The following NUP58 variants were observed in gnomAD, a reference collection of about 807,000 sequenced individuals.
The protein encoded by NUP58 is nucleoporin 58, also known as nucleoporin p58/p45.
NUP58 carries 17 observed loss-of-function variants against 70.1 expected under a neutral mutation model. The ratio of observed to expected loss-of-function variants is 0.24; its 90% CI spans 0.17 to 0.36. The LOEUF (loss-of-function observed/expected upper bound fraction) is 0.36. Ranked by LOEUF, NUP58 falls within the 10% of genes least tolerant of loss-of-function variation. The pLI is 1.00. For synonymous variants in NUP58, 275 were observed against 257.6 expected (o/e 1.07, Z -0.65); for missense variants, 644 against 701.5 (o/e 0.92, Z 0.93).
chr13:25,332,370 C>A, intron 13 of NUP58: 2 of 985,286 alleles, frequency 2.0e-6, no homozygotes, highest in Middle Eastern at 5.2e-4. Flanking sequence ...TTATCTTAAT[C>A]CTGCCATCCC....
In NUP58 at chr13:25,340,449, G is replaced by A. The variant is rs2137842815; in HGVS notation, c.*315G>A. On this transcript the variant is annotated 3_prime_UTR_variant, in exon 16 of 16. Transcript: ENST00000381736. ...TTTAACCTAGTGTTTTTGTTGATGA[G>A]GTTTACATTATGTGAATACATGCAC... 1 of 196,486 alleles carries A rather than the reference G, an allele frequency of 5.1e-6. No individual in the cohort carries two copies. Among genetic ancestry groups the A allele is most frequent in the East Asian group, 1.3e-4 (1 of 7,420 alleles). 12.2% of individuals were successfully genotyped at this position (196,486 alleles called of 1,614,324 possible).
At chr13:25,345,471 T>C (rs955461559), downstream of NUP58, among the ~76,000 whole-genome samples, 2 of 151,316 alleles carry the variant, frequency 1.3e-5, no homozygotes, top group Non-Finnish European at 2.9e-5. Flanking sequence ...AAGAGCGTTA[T>C]AAAGAAGCAA....
At chr13:25,309,352 C>A in intron 3 of NUP58, 70 bp downstream of exon 3, 1 of 1,143,584 alleles carries the variant, frequency 8.7e-7, no homozygotes. Context: ...AGTGATCTTT[C>A]TACTCTTCTC....
downstream of NUP58, among the ~76,000 whole-genome samples, chr13:25,343,827 A>ATATATATATATATG (rs1593206470): frequency 2.2e-5 from 3 of 137,250 alleles, no homozygotes; most frequent in South Asian, 4.4e-4. Flanking sequence ...ATATATATAT[A>ATATATATATATATG]CACATATATA....
In NUP58 at chr13:25,301,679, C is replaced by A; in HGVS notation, c.-95C>A. On this transcript the variant is annotated 5_prime_UTR_variant, in exon 1 of 16. Transcript: ENST00000381736. Reference sequence around the variant, plus strand: ...AAGTTCCCGCCAGGTCCGTGCCGGGCGAGAGAGATGCTGCCCGGCCCGCCT... The same window carrying A: ...AAGTTCCCGCCAGGTCCGTGCCGGGAGAGAGAGATGCTGCCCGGCCCGCCT... 2 of 616,884 alleles carry A rather than the reference C, an allele frequency of 3.2e-6. No homozygotes were observed. The highest frequency in any genetic ancestry group is 4.0e-5 in the Admixed American group (1 of 24,938). 38.2% of individuals were successfully genotyped at this position (616,884 alleles called of 1,614,324 possible).
At chr13:25,347,064 T>G (rs2032059105), downstream of NUP58, among the ~76,000 whole-genome samples, 2 of 152,302 alleles carry the variant, frequency 1.3e-5, no homozygotes, top group South Asian at 2.1e-4. Context: ...TCATTTATGT[T>G]TTTTATACAC....
At chr13:25,307,196 G>A (rs77326198) in intron 1 of NUP58, among the ~76,000 whole-genome samples, 3,323 of 142,602 alleles carry the variant, frequency 0.023, 115 homozygotes, top group African/African-American at 0.078. Context: ...TGCTTTTCTT[G>A]AAATCTGGTA....
intron 12 of NUP58, among the ~76,000 whole-genome samples, chr13:25,329,898 T>A (rs1243972291): frequency 2.6e-5 from 4 of 152,152 alleles, no homozygotes; most frequent in Non-Finnish European, 5.9e-5. Context: ...TCATGACTCA[T>A]TGCAGCCTCA....
intron 12 of NUP58, among the ~76,000 whole-genome samples, chr13:25,329,544 T>TA (rs2031529010): frequency 6.6e-6 from 1 of 152,176 alleles, no homozygotes; most frequent in Non-Finnish European, 1.5e-5. Flanking sequence ...AACGAAAGGA[T>TA]ATTCCCAAGA....
At chr13:25,327,395 A>G (rs764165181) in intron 11 of NUP58, 35 bp from the exon 12 acceptor site, 7 of 1,333,072 alleles carry the variant, frequency 5.3e-6, no homozygotes, top group Admixed American at 1.7e-5. Context: ...ATATATATGT[A>G]TATATTTGGG....
chr13:25,325,653 C>A (rs2031366875), intron 10 of NUP58, among the ~76,000 whole-genome samples: 1 of 152,120 alleles, frequency 6.6e-6, no homozygotes, highest in African/African-American at 2.4e-5. Context: ...TGTTGTTATT[C>A]CAGTTTTAGC....
intron 13 of NUP58, chr13:25,335,048 A>T: frequency 4.1e-6 from 4 of 985,248 alleles, no homozygotes; most frequent in Non-Finnish European, 4.8e-6. Context: ...AGTGTAATAT[A>T]TGCTAATACT....
Position 25,312,938 on chromosome 13 carries a change from A to T in NUP58, c.342A>T (p.Lys114Asn). The change falls in exon 4 of 16, where the codon AAA becomes AAT. Residue 114 changes from lysine to asparagine, a missense_variant. Transcript: ENST00000381736. ...ATTGFSLGFN[K>N]PAASATPFAL... Reference sequence around the variant, plus strand: ...CAGGCTTCAGTTTAGGATTCAATAAACCTGCAGCATCTGCCACACCATTTG... The same window carrying T: ...CAGGCTTCAGTTTAGGATTCAATAATCCTGCAGCATCTGCCACACCATTTG... The T allele has an allele frequency of 6.2e-7, 1 of 1,614,090 alleles. No individual in the cohort carries two copies. Among genetic ancestry groups the T allele is most frequent in the Non-Finnish European group, 8.5e-7 (1 of 1,180,020 alleles).
At chr13:25,312,788 C>A in intron 3 of NUP58, 95 bp from the exon 4 acceptor site, 2 of 1,264,160 alleles carry the variant, frequency 1.6e-6, no homozygotes, top group Non-Finnish European at 2.2e-6. Flanking sequence ...GTATCATGAA[C>A]TTTTAAGGAT....
Position 25,309,288 on chromosome 13 carries a change from A to G in NUP58, c.286+6A>G, listed in dbSNP as rs761219660. On this transcript the variant is annotated splice_donor_region_variant and intron_variant, in intron 3 of 15. Transcript: ENST00000381736. ...AACTACAGGATTAACTCTGGGTAAG[A>G]ATTTTTGAGGAAAGATCCCAGCTCT... 5 of 1,602,182 alleles carry G rather than the reference A, an allele frequency of 3.1e-6. No individual in the cohort carries two copies. The highest frequency in any genetic ancestry group is 4.3e-6 in the Non-Finnish European group (5 of 1,170,438).
intron 14 of NUP58, among the ~76,000 whole-genome samples, chr13:25,337,848 A>T (rs1005616759): frequency 1.8e-4 from 27 of 152,164 alleles, no homozygotes; most frequent in Non-Finnish European, 3.5e-4. Flanking sequence ...TGTTACAGGC[A>T]ATGATACTGT....
intron 13 of NUP58, chr13:25,336,355 T>C: frequency 1.0e-6 from 1 of 953,574 alleles, no homozygotes; most frequent in Non-Finnish European, 1.5e-6. Flanking sequence ...CATTGTCTTG[T>C]TTTTTATCTA....
In NUP58 at chr13:25,307,712, G is replaced by A. The variant is rs548992920; in HGVS notation, c.108-94G>A. On this transcript the variant is annotated intron_variant, in intron 1 of 15. Transcript: ENST00000381736. ...GTTATGTGAATGAAATTATCTTGAA[G>A]AGTTAATTTTTATTTTTCTTAAGTA... 3 of 1,161,820 alleles carry A rather than the reference G, an allele frequency of 2.6e-6. No individual in the cohort carries two copies. The Admixed American group carries it at 6.8e-5, about 26-fold the overall frequency. The allele number at this position is 1,161,820 out of a possible 1,614,324, so 72.0% of individuals were successfully genotyped here.
At chr13:25,327,557 A>C (rs530148458) in intron 12 of NUP58, 45 bp downstream of exon 12, 6 of 1,254,760 alleles carry the variant, frequency 4.8e-6, no homozygotes, top group Non-Finnish European at 6.9e-6. Context: ...TGTAGACCCA[A>C]GTATTTGTTC....
Sources: gnomAD v4.1 joint callset for allele counts (sites outside exome capture counted in the v4.1 genomes callset) on GRCh38, gnomAD v4.1.1 for gene constraint, MANE v1.5 for transcripts, NCBI Gene and HGNC (gene_info 2026-07-23, HGNC 2026-07-21) for gene names.